ARHGAP20: variants seen among roughly 807,000 people sequenced by gnomAD.
ARHGAP20 encodes rho GTPase-activating protein 20.
A neutral mutation model predicts 73.7 loss-of-function variants in ARHGAP20; 34 were observed. That is an observed-to-expected ratio of 0.46 (90% confidence interval 0.35 to 0.61). The LOEUF is 0.61. Among genes scored for constraint, ARHGAP20 ranks in the 20% least tolerant of loss-of-function variants. ARHGAP20 has a pLI of 0.00. For synonymous variants in ARHGAP20, 523 were observed against 518.2 expected (o/e 1.01, Z -0.13); for missense variants, 1,314 against 1,420.9 (o/e 0.92, Z 1.21).
chr11:110,618,006 ACC>A (rs1948522727), intron 4 of ARHGAP20, among the ~76,000 whole-genome samples: 1 of 152,102 alleles, frequency 6.6e-6, no homozygotes, highest in Admixed American at 6.5e-5. Flanking sequence ...AACAGAAAGA[ACC>A]CAGAGGAAAT....
At position 110,648,221 on chromosome 11, in the gene ARHGAP20, G is replaced by GTA. The variant is rs749024190; in HGVS notation, c.189-17431_189-17430dup. The stretch of plus-strand genomic sequence containing the variant: ...TATATATATATGTAAATATATATAT[G>GTA]TATATATATATATATGTAAATATAT... On this transcript the variant is annotated intron_variant, in intron 2 of 14. Coordinates refer to ENST00000683387, the MANE Select transcript of ARHGAP20 (RefSeq NM_001384657.1). 4.1e-3 allele frequency among the ~76,000 whole-genome samples: 315 copies of GTA among 76,668 alleles called. 1 individual carries two copies. The highest frequency in any genetic ancestry group is 0.023 in the Middle Eastern group (3 of 128). 50.3% of individuals were successfully genotyped at this position (76,668 alleles called of 152,430 possible).
chr11:110,672,234 G>A (rs868593531), intron 2 of ARHGAP20, among the ~76,000 whole-genome samples: 1 of 152,056 alleles, frequency 6.6e-6, no homozygotes, highest in African/African-American at 2.4e-5. Flanking sequence ...GACAGATTTA[G>A]GGGAAACATC....
In ARHGAP20 at chr11:110,708,321, G is replaced by GA. The variant is rs1340131625; in HGVS notation, c.105+3805dup. Reference sequence around the variant, plus strand: ...CCAGGGGGAATATAAAACCACTTCGGAAAAAACAATGGACAGATTCTTAAA... The same window carrying GA: ...CCAGGGGGAATATAAAACCACTTCGGAAAAAAACAATGGACAGATTCTTAAA... On this transcript the variant is annotated intron_variant, in intron 1 of 14. Transcript: ENST00000683387. Among the ~76,000 whole-genome samples, 11 of 152,172 alleles carry GA rather than the reference G, an allele frequency of 7.2e-5. No individual in the cohort carries two copies. The South Asian group carries it at 8.3e-4, about 11-fold the overall frequency.
intron 4 of ARHGAP20, among the ~76,000 whole-genome samples, chr11:110,617,031 A>G (rs920610850): frequency 6.6e-6 from 1 of 152,194 alleles, no homozygotes; most frequent in African/African-American, 2.4e-5. Context: ...CCAGATCAGG[A>G]AATAGAAAAT....
chr11:110,698,315 G>A (rs543437708), intron 1 of ARHGAP20, among the ~76,000 whole-genome samples: 1 of 151,812 alleles, frequency 6.6e-6, no homozygotes, highest in Non-Finnish European at 1.5e-5. Context: ...TATTGGATTC[G>A]GTTTGCTAGT....
chr11:110,674,841 G>A (rs1158850265), intron 2 of ARHGAP20, among the ~76,000 whole-genome samples: 1 of 152,030 alleles, frequency 6.6e-6, no homozygotes, highest in East Asian at 1.9e-4. Context: ...CATCTACCCA[G>A]TCTTCAAAAA....
intron 1 of ARHGAP20, among the ~76,000 whole-genome samples, chr11:110,695,816 G>A (rs887269363): frequency 2.6e-5 from 4 of 151,456 alleles, no homozygotes; most frequent in African/African-American, 4.8e-5. Context: ...CTACTCCTAG[G>A]TACATATCCA....
At chr11:110,615,984 C>G (rs1396933804) in intron 4 of ARHGAP20, among the ~76,000 whole-genome samples, 1 of 152,160 alleles carries the variant, frequency 6.6e-6, no homozygotes, top group African/African-American at 2.4e-5. Context: ...CATTTAACCT[C>G]TAAGCCTCAG....
At chr11:110,623,349 A>G (rs1402713184) in intron 4 of ARHGAP20, among the ~76,000 whole-genome samples, 1 of 152,220 alleles carries the variant, frequency 6.6e-6, no homozygotes, top group Non-Finnish European at 1.5e-5. Context: ...AGAGGTTGGA[A>G]CACAGTTATT....
At position 110,608,007 on chromosome 11, in the gene ARHGAP20, T is replaced by C. The variant is rs536993165; in HGVS notation, c.775+977A>G. Among the ~76,000 whole-genome samples the C allele has an allele frequency of 3.3e-5, 5 of 152,310 alleles. No homozygotes were observed. In the East Asian group the frequency reaches 9.6e-4, roughly 29 times the overall value. On this transcript the variant is annotated intron_variant, in intron 8 of 14. Coordinates refer to ENST00000683387, the MANE Select transcript of ARHGAP20 (RefSeq NM_001384657.1). ...CATTAAAAACCTGAAACACAGTCAA[T>C]TTTGTCTTTAGCTCTGTGCATGATC...
chr11:110,683,995 T>C (rs1180901942), intron 2 of ARHGAP20, among the ~76,000 whole-genome samples: 1 of 152,164 alleles, frequency 6.6e-6, no homozygotes, highest in African/African-American at 2.4e-5. Flanking sequence ...GAGGACACAG[T>C]AAGAGATGCC....
chr11:110,621,043 C>A (rs369336091), intron 4 of ARHGAP20, among the ~76,000 whole-genome samples: 1 of 116,492 alleles, frequency 8.6e-6, no homozygotes, highest in South Asian at 3.0e-4. Flanking sequence ...TATTGCACTA[C>A]GGCTTGGGCA....
chr11:110,629,380 T>C (rs1948814609), intron 3 of ARHGAP20, among the ~76,000 whole-genome samples: 1 of 152,194 alleles, frequency 6.6e-6, no homozygotes, highest in East Asian at 1.9e-4. Context: ...GATTCTCCTA[T>C]TATAATATCT....
chr11:110,712,111 CG>C lies in ARHGAP20; in HGVS notation c.105+15del. ...TGCGGCGGCGGAGGGCACGGGCCCCCGCTCAGCGTCCTCACCTTCTTGGTGC... is the reference window on the plus strand; with the variant it reads ...TGCGGCGGCGGAGGGCACGGGCCCCCCTCAGCGTCCTCACCTTCTTGGTGC... On this transcript the variant is annotated intron_variant, in intron 1 of 14. Coordinates refer to ENST00000683387, the MANE Select transcript of ARHGAP20 (RefSeq NM_001384657.1). 7.6e-7 allele frequency: 1 copy of C among 1,311,804 alleles called. No homozygotes were observed. Among genetic ancestry groups the C allele is most frequent in the Non-Finnish European group, 9.8e-7 (1 of 1,025,404 alleles). The allele number at this position is 1,311,804 out of a possible 1,614,324, so 81.3% of individuals were successfully genotyped here. A position where few individuals can be genotyped will look rare whatever the true frequency, so the allele number is the denominator to read the frequency against.
At chr11:110,656,503 A>G (rs2135028344) in intron 2 of ARHGAP20, among the ~76,000 whole-genome samples, 1 of 152,164 alleles carries the variant, frequency 6.6e-6, no homozygotes, top group Non-Finnish European at 1.5e-5. Context: ...CTTCTTCCCC[A>G]GTGGGTATTT....
intron 9 of ARHGAP20, among the ~76,000 whole-genome samples, chr11:110,599,862 C>G (rs598504): frequency 0.53 from 80,985 of 151,890 alleles, 23,749 homozygotes; most frequent in African/African-American, 0.8. Flanking sequence ...CCTCCTCTCT[C>G]AGAGCTGCAC....
chr11:110,687,087 GACAC>G lies in ARHGAP20; in HGVS notation c.188+3456_188+3459del, dbSNP rs71057024. ...ACACACACACACACACATATATATAGACACACACACACACACACATATATTTTAA... is the reference window on the plus strand; with the variant it reads ...ACACACACACACACACATATATATAGACACACACACACACATATATTTTAA... On this transcript the variant is annotated intron_variant, in intron 2 of 14. Transcript: ENST00000683387. Among the ~76,000 whole-genome samples the G allele has an allele frequency of 9.1e-4, 125 of 136,792 alleles. 1 individual carries two copies. The South Asian group carries it at 0.027, about 30-fold the overall frequency. 89.7% of individuals were successfully genotyped at this position (136,792 alleles called of 152,430 possible).
At chr11:110,608,773 C>A (rs185689611) in intron 8 of ARHGAP20, among the ~76,000 whole-genome samples, 1 of 152,254 alleles carries the variant, frequency 6.6e-6, no homozygotes, top group East Asian at 1.9e-4. Flanking sequence ...GTTTATATTT[C>A]TCTTCCCAAC....
rs181120052 is a variant in ARHGAP20 at position 110,665,813 on chromosome 11, T to C, written c.188+24734A>G. 3.1e-3 allele frequency among the ~76,000 whole-genome samples: 470 copies of C among 152,248 alleles called. 3 individuals are homozygous for C. Among genetic ancestry groups the C allele is most frequent in the African/African-American group, 0.01 (431 of 41,530 alleles). On this transcript the variant is annotated intron_variant, in intron 2 of 14. Transcript: ENST00000683387. ...AGGTAGGACAATACTCTAAAACTCA[T>C]AGGGCTGGGAAGAATTCATGTACCC...
Sources: allele counts gnomAD v4.1 joint callset (sites outside exome capture counted in the v4.1 genomes callset), GRCh38; gene constraint gnomAD v4.1.1; transcripts MANE v1.5; gene names NCBI Gene and HGNC (gene_info 2026-07-23, HGNC 2026-07-21).